Variants in ZSWIM6 observed in about 807,000 individuals in gnomAD.
The protein encoded by ZSWIM6 is zinc finger SWIM domain-containing protein 6.
Under a neutral mutation model 113.2 loss-of-function variants are expected in ZSWIM6, and 9 were observed. The ratio of observed to expected loss-of-function variants is 0.08; its 90% CI spans 0.05 to 0.14. The LOEUF is 0.14. Among genes scored for constraint, ZSWIM6 ranks in the 10% least tolerant of loss-of-function variants. The pLI is 1.00. For synonymous variants in ZSWIM6, 611 were observed against 606.5 expected (o/e 1.01, Z -0.11); for missense variants, 1,162 against 1,552.2 (o/e 0.75, Z 4.22).
intron 1 of ZSWIM6, among the ~76,000 whole-genome samples, chr5:61,404,039 G>A (rs1460577554): frequency 1.3e-5 from 2 of 148,688 alleles, no homozygotes; most frequent in Non-Finnish European, 3.0e-5. Context: ...ACGGAGTCTC[G>A]CTCTGCCGCC....
intron 4 of ZSWIM6, among the ~76,000 whole-genome samples, chr5:61,504,805 G>A (rs1049295221): frequency 6.6e-6 from 1 of 152,132 alleles, no homozygotes; most frequent in African/African-American, 2.4e-5. Context: ...AATATGGATG[G>A]TGGACAGTTG....
At chr5:61,397,277 A>C (rs1009948993) in intron 1 of ZSWIM6, among the ~76,000 whole-genome samples, 1 of 152,232 alleles carries the variant, frequency 6.6e-6, no homozygotes, top group African/African-American at 2.4e-5. Flanking sequence ...AAATGTTTTT[A>C]TGTAATCAAA....
chr5:61,476,992 A>G (rs1034804283), intron 2 of ZSWIM6, among the ~76,000 whole-genome samples: 1 of 152,172 alleles, frequency 6.6e-6, no homozygotes, highest in African/African-American at 2.4e-5. Context: ...AAGATAACTG[A>G]CCTTACCTCA....
chr5:61,439,512 CAGAT>C (rs766211829), intron 1 of ZSWIM6, among the ~76,000 whole-genome samples: 3 of 152,118 alleles, frequency 2.0e-5, no homozygotes, highest in African/African-American at 4.8e-5. Context: ...AACAGTTAAA[CAGAT>C]AGTTATGGGA....
intron 2 of ZSWIM6, among the ~76,000 whole-genome samples, chr5:61,486,081 A>G (rs1268941026): frequency 6.6e-6 from 1 of 152,136 alleles, no homozygotes; most frequent in Non-Finnish European, 1.5e-5. Context: ...GATAATGTAC[A>G]TTGTACCCAT....
intron 4 of ZSWIM6, among the ~76,000 whole-genome samples, chr5:61,519,967 C>T (rs1214445190): frequency 2.0e-5 from 3 of 152,098 alleles, no homozygotes; most frequent in Middle Eastern, 3.2e-3. Context: ...CTAATGCCAC[C>T]GCTGATCTGA....
At chr5:61,365,851 GC>G (rs1561208956) in intron 1 of ZSWIM6, among the ~76,000 whole-genome samples, 3 of 152,116 alleles carry the variant, frequency 2.0e-5, no homozygotes, top group Non-Finnish European at 4.4e-5. Context: ...TCTAAAATGG[GC>G]ACATCTGCCC....
rs1439168902 is a variant in ZSWIM6, at chr5:61,543,657, C to T, written c.2988C>T (p.Ala996=). The change falls in exon 14 of 14, where the codon GCC becomes GCT. Residue 996 remains alanine (A), a synonymous_variant. Transcript: ENST00000252744. This position sits in a 1 kb window ranked among gnomAD's most constrained non-coding sequence, Gnocchi z 4.3. ...CCATGAAGGATCCACAGAACTGTGC[C>T]CTCTCTGCGCTAACCCTTTGTGAAA... ...QCAMKDPQNC[A]LSALTLCEKD... 1.2e-5 allele frequency: 18 copies of T among 1,551,760 alleles called. No homozygotes were observed. Among genetic ancestry groups the T allele is most frequent in the Non-Finnish European group, 1.4e-5 (16 of 1,147,018 alleles).
chr5:61,399,138 T>C (rs1344942645), intron 1 of ZSWIM6, among the ~76,000 whole-genome samples: 2 of 151,358 alleles, frequency 1.3e-5, no homozygotes, highest in African/African-American at 4.9e-5. Flanking sequence ...TTGGGCAGGC[T>C]GGTCTCAAAC....
intron 1 of ZSWIM6, among the ~76,000 whole-genome samples, chr5:61,370,969 C>T (rs946309028): frequency 7.9e-5 from 12 of 152,204 alleles, no homozygotes; most frequent in African/African-American, 2.7e-4. Context: ...TTACTCCTGT[C>T]CTCTTTTTCA....
chr5:61,493,100 C>T (rs1274071451), intron 3 of ZSWIM6, among the ~76,000 whole-genome samples: 1 of 152,058 alleles, frequency 6.6e-6, no homozygotes, highest in Non-Finnish European at 1.5e-5. Context: ...GGAAATGTAG[C>T]ATAAGAGTAA....
chr5:61,355,431 AACACACAC>A (rs34072520), intron 1 of ZSWIM6, among the ~76,000 whole-genome samples: 9,293 of 127,066 alleles, frequency 0.073, 345 homozygotes, highest in Middle Eastern at 0.1. Flanking sequence ...GAGACTTTAA[AACACACAC>A]ACACACACAC....
At chr5:61,422,138 G>A (rs1046962937) in intron 1 of ZSWIM6, among the ~76,000 whole-genome samples, 3 of 152,104 alleles carry the variant, frequency 2.0e-5, no homozygotes, top group Non-Finnish European at 4.4e-5. Context: ...ATAAATCTTT[G>A]CCCAGCCCAG....
chr5:61,354,104 G>T (rs1744848284), intron 1 of ZSWIM6, among the ~76,000 whole-genome samples: 1 of 152,194 alleles, frequency 6.6e-6, no homozygotes, highest in Non-Finnish European at 1.5e-5. Flanking sequence ...GCAGCATCCA[G>T]GAATGGTCTT....
intron 1 of ZSWIM6, among the ~76,000 whole-genome samples, chr5:61,419,538 A>G (rs868502615): frequency 1.6e-4 from 25 of 152,324 alleles, no homozygotes; most frequent in Admixed American, 3.3e-4. Flanking sequence ...GGCTATTTAG[A>G]TTTACATTAA....
chr5:61,381,139 G>A (rs1055412378), intron 1 of ZSWIM6, among the ~76,000 whole-genome samples: 3 of 152,194 alleles, frequency 2.0e-5, no homozygotes, highest in African/African-American at 7.2e-5. Flanking sequence ...TGTAATCCCA[G>A]CTACTCGGGA....
At chr5:61,499,824 A>G (rs891731654) in intron 4 of ZSWIM6, among the ~76,000 whole-genome samples, 3 of 152,104 alleles carry the variant, frequency 2.0e-5, no homozygotes, top group African/African-American at 7.2e-5. Flanking sequence ...TTTTTGCTTT[A>G]TTTCTCATTT....
At chr5:61,383,264 A>G (rs1745522583) in intron 1 of ZSWIM6, among the ~76,000 whole-genome samples, 1 of 152,228 alleles carries the variant, frequency 6.6e-6, no homozygotes, top group Admixed American at 6.5e-5. Flanking sequence ...AACTAGGTAC[A>G]GTCAACAAAG....
chr5:61,363,144 C>T (rs575112852), intron 1 of ZSWIM6, among the ~76,000 whole-genome samples: 1 of 152,320 alleles, frequency 6.6e-6, no homozygotes, highest in Admixed American at 6.5e-5. Context: ...CTCCTTTCCC[C>T]ACCCCACAGG....
Sources: allele counts gnomAD v4.1 joint callset (sites outside exome capture counted in the v4.1 genomes callset), GRCh38; gene constraint gnomAD v4.1.1; non-coding constraint Gnocchi (gnomAD v3.1); transcripts MANE v1.5; gene names NCBI Gene and HGNC (gene_info 2026-07-23, HGNC 2026-07-21).